ARHGEF6: variants seen among roughly 807,000 people sequenced by gnomAD.
The protein encoded by ARHGEF6 is rho guanine nucleotide exchange factor 6.
ARHGEF6 carries 9 observed loss-of-function variants against 70.3 expected under a neutral mutation model. The ratio of observed to expected loss-of-function variants is 0.13; its 90% confidence interval spans 0.08 to 0.22. The LOEUF is 0.22. ARHGEF6 is among the 10% of genes least tolerant of loss of function. The pLI is 1.00. For synonymous variants in ARHGEF6, 201 were observed against 207.8 expected, an observed-to-expected ratio of 0.97 and a Z score of 0.28; for missense variants, 470 against 563.0, an observed-to-expected ratio of 0.83 and a Z score of 1.67.
chrX:136,744,200 C>T (rs2077072720), intron 4 of ARHGEF6, among the ~76,000 whole-genome samples: 2 of 112,001 alleles, frequency 1.8e-5, no homozygotes, highest in South Asian at 7.4e-4. Context: ...ACCTACCCTC[C>T]ATAAAATCTG....
intron 6 of ARHGEF6, among the ~76,000 whole-genome samples, chrX:136,724,600 C>T (rs963646701): frequency 1.4e-4 from 16 of 111,256 alleles, no homozygotes; most frequent in African/African-American, 4.9e-4. Context: ...AAATGATCCT[C>T]CTGCCTCAGC....
At chrX:136,755,715 A>G (rs1183487880) in intron 2 of ARHGEF6, among the ~76,000 whole-genome samples, 1 of 112,100 alleles carries the variant, frequency 8.9e-6, no homozygotes, top group African/African-American at 3.2e-5. Context: ...CTACAGCTTT[A>G]TAGTCTGTAG....
chrX:136,705,913 T>C (rs1341520622), intron 9 of ARHGEF6, among the ~76,000 whole-genome samples: 1 of 112,478 alleles, frequency 8.9e-6, no homozygotes, highest in African/African-American at 3.2e-5. Flanking sequence ...CAACTAATGT[T>C]CTAGCCTAGC....
rs753435608 is a variant in ARHGEF6, at chrX:136,673,449, C to T, written c.2036-1330G>A. 1.8e-4 allele frequency among the ~76,000 whole-genome samples: 20 copies of T among 112,036 alleles called. No individual in the cohort carries two copies. In the South Asian group the frequency reaches 7.1e-3, roughly 40 times the overall value. The stretch of plus-strand genomic sequence containing the variant: ...GATCTGCTGTGTGACAAGCACAGTG[C>T]CAGACATCTTCCACATGTAAAAGGT... On this transcript the variant is annotated intron_variant, in intron 19 of 21. Coordinates refer to ENST00000250617, the MANE Select transcript of ARHGEF6 (RefSeq NM_004840.3).
intron 9 of ARHGEF6, among the ~76,000 whole-genome samples, chrX:136,693,010 C>T (rs992698626): frequency 8.9e-6 from 1 of 111,927 alleles, no homozygotes; most frequent in Non-Finnish European, 1.9e-5. Context: ...GGAAATAACT[C>T]GGGTTTGGAG....
intron 11 of ARHGEF6, 98 bp downstream of exon 11, chrX:136,687,834 A>C (rs2076419826): frequency 1.4e-6 from 1 of 734,520 alleles, no homozygotes; most frequent in African/African-American, 2.1e-5. Context: ...TTTCCATTCT[A>C]AAGACCTTTG....
chrX:136,691,928 A>C (rs759226142), intron 9 of ARHGEF6, among the ~76,000 whole-genome samples: 4 of 111,785 alleles, frequency 3.6e-5, no homozygotes, highest in South Asian at 7.5e-4. Flanking sequence ...TGACCTACTT[A>C]TTCTCCCTAG....
chrX:136,677,606 C>T (rs1438075277), intron 17 of ARHGEF6, among the ~76,000 whole-genome samples: 1 of 110,911 alleles, frequency 9.0e-6, no homozygotes, highest in Non-Finnish European at 1.9e-5. Flanking sequence ...GGAAACAAAT[C>T]ATTTAATTTA....
At chrX:136,701,330 C>G (rs918002764) in intron 9 of ARHGEF6, among the ~76,000 whole-genome samples, 1 of 111,643 alleles carries the variant, frequency 9.0e-6, no homozygotes, top group Admixed American at 9.5e-5. Context: ...ATTTCATATT[C>G]AAGCTGCAGA....
intron 2 of ARHGEF6, among the ~76,000 whole-genome samples, chrX:136,752,358 C>T (rs1009549170): frequency 1.9e-4 from 21 of 111,984 alleles, no homozygotes; most frequent in African/African-American, 4.9e-4. Context: ...TAAGCTCCTC[C>T]TATTTGTTGA....
At chrX:136,712,488 C>A (rs1391432018) in intron 7 of ARHGEF6, among the ~76,000 whole-genome samples, 1 of 112,259 alleles carries the variant, frequency 8.9e-6, no homozygotes, top group East Asian at 2.8e-4. Context: ...ATAGTAAACT[C>A]TTTCCAAGGT....
chrX:136,680,383 A>G (rs768438488), intron 15 of ARHGEF6, among the ~76,000 whole-genome samples: 4 of 112,514 alleles, frequency 3.6e-5, no homozygotes, highest in Non-Finnish European at 5.6e-5. Flanking sequence ...ATTTGTTTCG[A>G]CTTAGCCCAC....
At chrX:136,747,683 G>GTA (rs2077109091) in intron 2 of ARHGEF6, 91 bp from the exon 3 acceptor site, 23 of 178,973 alleles carry the variant, frequency 1.3e-4, no homozygotes, top group Non-Finnish European at 1.7e-4. Context: ...CCAGCTCTCC[G>GTA]GAAAAAAAAA....
At chrX:136,754,989 T>C (rs780628725) in intron 2 of ARHGEF6, among the ~76,000 whole-genome samples, 54 of 111,743 alleles carry the variant, frequency 4.8e-4, no homozygotes, top group Non-Finnish European at 8.3e-4. Context: ...GTGTTCCAAA[T>C]TGGAATGCGG....
rs192644552 is a variant in ARHGEF6 at position 136,748,807 on chromosome X, T to A, written c.250-1215A>T. ...CCATTTGTTCCATTTTTAAGCTGCA[T>A]ATTTTCTGGGAACCATATCAAGACA... On this transcript the variant is annotated intron_variant, in intron 2 of 21. Transcript: ENST00000250617. 1.3e-3 allele frequency among the ~76,000 whole-genome samples: 146 copies of A among 112,385 alleles called. 1 individual carries two copies. Among genetic ancestry groups the A allele is most frequent in the African/African-American group, 4.5e-3 (138 of 30,969 alleles).
chrX:136,686,534 T>G (rs1366719573), intron 11 of ARHGEF6, among the ~76,000 whole-genome samples: 1 of 97,431 alleles, frequency 1.0e-5, no homozygotes, highest in African/African-American at 3.7e-5. Context: ...AAAATTACAG[T>G]TTGCCAACAC....
rs768888687 is a variant in ARHGEF6, at chrX:136,754,524, G to A, written c.250-6932C>T. 5.3e-5 allele frequency among the ~76,000 whole-genome samples: 5 copies of A among 95,060 alleles called. No homozygotes were observed. In the East Asian group the frequency reaches 1.3e-3, roughly 25 times the overall value. The allele number at this position is 95,060 out of a possible 115,157, so 82.5% of individuals were successfully genotyped here. A position where few individuals can be genotyped will look rare whatever the true frequency, so the allele number is the denominator to read the frequency against. On this transcript the variant is annotated intron_variant, in intron 2 of 21. Transcript: ENST00000250617. ...GGCTTGAATCTGGGAGGCGGAGGTT[G>A]CAGCGAGCTGAGATTGCACCACTGC...
chrX:136,776,209 C>T (rs1315635907), intron 2 of ARHGEF6, among the ~76,000 whole-genome samples: 1 of 111,510 alleles, frequency 9.0e-6, no homozygotes, highest in Non-Finnish European at 1.9e-5. Flanking sequence ...TCATATGAAA[C>T]CCAAAAAGAA....
intron 9 of ARHGEF6, among the ~76,000 whole-genome samples, chrX:136,701,019 A>C (rs1440545805): frequency 8.9e-6 from 1 of 112,153 alleles, no homozygotes; most frequent in Non-Finnish European, 1.9e-5. Context: ...AAATAGGCTA[A>C]ACATAGCTGA....
Sources: gnomAD v4.1 joint callset for allele counts (sites outside exome capture counted in the v4.1 genomes callset) on GRCh38, gnomAD v4.1.1 for gene constraint, MANE v1.5 for transcripts, NCBI Gene and HGNC (gene_info 2026-07-23, HGNC 2026-07-21) for gene names.